Variants in NEGR1 observed in about 807,000 individuals in gnomAD.
The protein encoded by NEGR1 is neuronal growth regulator 1, also known as IgLON family member 4.
NEGR1 carries 10 observed loss-of-function variants against 40.9 expected under a neutral mutation model. That is an observed-to-expected ratio of 0.24 (90% CI 0.15 to 0.42). The LOEUF (loss-of-function observed/expected upper bound fraction) is 0.42, where lower values mean the gene tolerates loss of function less well. NEGR1 is among the 10% of genes least tolerant of loss of function. The pLI, the probability that NEGR1 is intolerant of heterozygous loss-of-function variation, is 1.00. For missense variants in NEGR1, 352 were observed against 438.9 expected (o/e 0.80, Z 1.77); for synonymous variants, 185 against 166.8 (o/e 1.11, Z -0.84).
intron 2 of NEGR1, among the ~76,000 whole-genome samples, chr1:71,898,339 G>C (rs977160495): frequency 1.3e-5 from 2 of 152,122 alleles, no homozygotes; most frequent in African/African-American, 4.8e-5. Context: ...TTGCTGGCCG[G>C]GCGCGGTGGT....
At chr1:72,010,641 C>T (rs1176771901) in intron 1 of NEGR1, among the ~76,000 whole-genome samples, 1 of 151,596 alleles carries the variant, frequency 6.6e-6, no homozygotes, top group Non-Finnish European at 1.5e-5. Flanking sequence ...CCCACCCCCT[C>T]CAGGACTGTA....
At chr1:71,520,026 A>G (rs1647144197) in intron 6 of NEGR1, among the ~76,000 whole-genome samples, 1 of 152,080 alleles carries the variant, frequency 6.6e-6, no homozygotes, top group South Asian at 2.1e-4. Flanking sequence ...CAAAATTTCA[A>G]CTTTTTTCAC....
intron 1 of NEGR1, among the ~76,000 whole-genome samples, chr1:71,941,341 T>G (rs1025494821): frequency 9.3e-5 from 11 of 118,446 alleles, no homozygotes; most frequent in African/African-American, 3.4e-4. Context: ...CTACCTTTGT[T>G]TTTTAGGGCA....
intron 1 of NEGR1, among the ~76,000 whole-genome samples, chr1:71,941,885 C>T (rs907675461): frequency 6.6e-6 from 1 of 151,884 alleles, no homozygotes; most frequent in African/African-American, 2.4e-5. Context: ...AATGAAGACA[C>T]TGAGATGCAT....
intron 6 of NEGR1, among the ~76,000 whole-genome samples, chr1:71,465,270 G>A (rs1209645011): frequency 6.6e-6 from 1 of 152,100 alleles, no homozygotes; most frequent in Non-Finnish European, 1.5e-5. Flanking sequence ...GCTAGATGCT[G>A]AAGATATAGC....
intron 6 of NEGR1, among the ~76,000 whole-genome samples, chr1:71,425,195 TG>T (rs1174354478): frequency 6.6e-6 from 1 of 151,884 alleles, no homozygotes; most frequent in Non-Finnish European, 1.5e-5. Flanking sequence ...TATTTCACAG[TG>T]GGCTGGAATA....
At chr1:71,985,389 G>A (rs1570579525) in intron 1 of NEGR1, among the ~76,000 whole-genome samples, 1 of 152,262 alleles carries the variant, frequency 6.6e-6, no homozygotes, top group East Asian at 1.9e-4. Context: ...TCAAATCACT[G>A]TGGTAAGCAC....
intron 3 of NEGR1, among the ~76,000 whole-genome samples, chr1:71,715,534 T>A (rs1013404893): frequency 1.3e-5 from 2 of 152,194 alleles, no homozygotes; most frequent in Non-Finnish European, 2.9e-5. Flanking sequence ...TCTTTGTGAA[T>A]GCATAAAACT....
At chr1:72,100,265 T>C (rs980168145) in intron 1 of NEGR1, among the ~76,000 whole-genome samples, 3 of 152,286 alleles carry the variant, frequency 2.0e-5, no homozygotes, top group East Asian at 1.9e-4. Flanking sequence ...AAATATAACA[T>C]AAACTTTCTA....
At chr1:71,928,050 GTA>G (rs1491335805) in intron 2 of NEGR1, among the ~76,000 whole-genome samples, 3 of 60,458 alleles carry the variant, frequency 5.0e-5, no homozygotes, top group Admixed American at 5.4e-4. Context: ...ACACACACAC[GTA>G]TATATATACA....
intron 6 of NEGR1, among the ~76,000 whole-genome samples, chr1:71,583,804 AT>A (rs944918499): frequency 2.0e-5 from 3 of 152,148 alleles, no homozygotes; most frequent in African/African-American, 7.2e-5. Context: ...AAGTGGACTG[AT>A]TAGTGACTTT....
chr1:72,135,716 C>G lies in NEGR1; in HGVS notation c.176+146603G>C, dbSNP rs1046574341. Among the ~76,000 whole-genome samples the G allele has an allele frequency of 2.0e-5, 3 of 152,268 alleles. No homozygotes were observed. The Middle Eastern group carries it at 0.01, about 518-fold the overall frequency. On this transcript the variant is annotated intron_variant, in intron 1 of 6. Coordinates refer to ENST00000357731, the MANE Select transcript of NEGR1 (RefSeq NM_173808.3). ...AGGACCCCAATATTTGCAACAGGGT[C>G]TCCTAAAGTATTCAGCAAAGTACTG...
intron 4 of NEGR1, among the ~76,000 whole-genome samples, chr1:71,654,969 C>A (rs1002989055): frequency 1.3e-5 from 2 of 152,070 alleles, no homozygotes; most frequent in African/African-American, 2.4e-5. Context: ...GAAGTGAAAT[C>A]ACCCATCAGA....
chr1:71,565,453 G>A (rs772736004), intron 6 of NEGR1, among the ~76,000 whole-genome samples: 15 of 152,122 alleles, frequency 9.9e-5, no homozygotes, highest in Admixed American at 3.3e-4. Context: ...CAAGGTATTT[G>A]CTTAGCAGGG....
At chr1:72,274,781 G>A in intron 1 of NEGR1, 1 of 1,390,338 alleles carries the variant, frequency 7.2e-7, no homozygotes, top group Non-Finnish European at 1.0e-6. Context: ...TGTGACCCCA[G>A]CTGTGTAAAA....
intron 4 of NEGR1, among the ~76,000 whole-genome samples, chr1:71,634,117 G>A (rs1651063000): frequency 6.6e-6 from 1 of 152,052 alleles, no homozygotes; most frequent in African/African-American, 2.4e-5. Flanking sequence ...GACCAAGAAT[G>A]CAGCTTTAGG....
At chr1:72,272,675 C>A (rs1655884174) in intron 1 of NEGR1, among the ~76,000 whole-genome samples, 1 of 151,798 alleles carries the variant, frequency 6.6e-6, no homozygotes, top group African/African-American at 2.4e-5. Context: ...TTATCTAAAA[C>A]CTTTACATAT....
chr1:71,678,567 T>G (rs1652722019), intron 4 of NEGR1, among the ~76,000 whole-genome samples: 1 of 152,096 alleles, frequency 6.6e-6, no homozygotes. Context: ...CAAGTCTAGT[T>G]TAAATGGCTA....
At chr1:72,221,106 C>T (rs1213803947) in intron 1 of NEGR1, among the ~76,000 whole-genome samples, 9 of 152,102 alleles carry the variant, frequency 5.9e-5, no homozygotes, top group East Asian at 1.9e-4. Flanking sequence ...ATCTGTTCTA[C>T]GCCATTCTCA....
Sources: gnomAD v4.1 joint callset for allele counts (sites outside exome capture counted in the v4.1 genomes callset) on GRCh38, gnomAD v4.1.1 for gene constraint, MANE v1.5 for transcripts, NCBI Gene and HGNC (gene_info 2026-07-23, HGNC 2026-07-21) for gene names.